Variants in ZNF24 observed in about 807,000 individuals in gnomAD.
ZNF24 encodes retinoic acid suppression protein A.
In ZNF24, 11 loss-of-function variants were observed where a neutral mutation model predicts 40.9. The observed-to-expected ratio is 0.27, with a 90% CI of 0.17 to 0.45. ZNF24 has a LOEUF of 0.45. ZNF24 is among the 20% of genes least tolerant of loss of function. ZNF24 has a pLI of 1.00. For synonymous variants in ZNF24, 139 were observed against 154.7 expected (o/e 0.90, Z 0.75); for missense variants, 293 against 437.7 (o/e 0.67, Z 2.95).
Position 35,339,900 on chromosome 18 carries a change from C to T in ZNF24, c.497G>A (p.Ser166Asn). ...GTTCTCCACAGCATCAAGCTCAGAA[C>T]TTGGTAATCCCTGAGCTTCTTCTTG... ...VSQEEAQGLPSSELDAVENQL... is the reference protein window; with the variant it reads ...VSQEEAQGLPNSELDAVENQL... The change falls in exon 3 of 4, where the codon AGT becomes AAT. Residue 166 changes from serine to asparagine, a missense_variant. Ser to Asn is a conservative substitution (Grantham distance 46). Around this residue, in one of 2 missense-constraint regions of ZNF24, gnomAD observed 234 missense variants for 299.2 expected, o/e 0.78. Coordinates refer to ENST00000261332, the MANE Select transcript of ZNF24 (RefSeq NM_006965.4). 6.2e-7 allele frequency: 1 copy of T among 1,613,532 alleles called. No homozygotes were observed. The highest frequency in any genetic ancestry group is 1.1e-5 in the South Asian group (1 of 91,078).
In ZNF24 at chr18:35,336,902, T is replaced by C. The variant is rs1307665152; in HGVS notation, c.*330A>G. The C allele has an allele frequency of 5.0e-6, 1 of 200,856 alleles. No individual in the cohort carries two copies. Among genetic ancestry groups the C allele is most frequent in the African/African-American group, 2.3e-5 (1 of 43,428 alleles). The allele number at this position is 200,856 out of a possible 1,614,324, so 12.4% of individuals were successfully genotyped here. Reference sequence around the variant, plus strand: ...ATTTCAATGATCAATGCAGAAATAATGTATTTGTCTTAAAAAAGAAACTTT... The same window carrying C: ...ATTTCAATGATCAATGCAGAAATAACGTATTTGTCTTAAAAAAGAAACTTT... On this transcript the variant is annotated 3_prime_UTR_variant, in exon 4 of 4. Transcript: ENST00000261332.
In ZNF24 at chr18:35,340,336, G is replaced by T; in HGVS notation, c.315C>A (p.Pro105=). 6.2e-7 allele frequency: 1 copy of T among 1,614,158 alleles called. No homozygotes were observed. Among genetic ancestry groups the T allele is most frequent in the Non-Finnish European group, 8.5e-7 (1 of 1,180,028 alleles). ...VVLEQFVAIL[P]KELQTWVRDH... ...CTCGAACCCAAGTCTGTAGCTCTTT[G>T]GGTAGGATGGCAACAAACTGCTCCA... Residue 105 remains proline, a synonymous_variant, in exon 2 of 4, where the codon CCC becomes CCA. Transcript: ENST00000261332. The surrounding 1 kb of genome is among the most constrained non-coding windows in gnomAD (Gnocchi z 4.6).
At chr18:35,339,410 A>G (rs772795705) in intron 3 of ZNF24, among the ~76,000 whole-genome samples, 3 of 152,258 alleles carry the variant, frequency 2.0e-5, no homozygotes, top group African/African-American at 4.8e-5. Context: ...ATAAATATTT[A>G]GAAAGATTTC....
intron 3 of ZNF24, among the ~76,000 whole-genome samples, 176 bp downstream of exon 3, chr18:35,339,653 T>C (rs1420159368): frequency 6.6e-6 from 1 of 152,176 alleles, no homozygotes; most frequent in African/African-American, 2.4e-5. Context: ...AGGCTGAAGA[T>C]GTTAATGTCT....
Position 35,337,735 on chromosome 18 carries a change from G to C in ZNF24, c.604C>G (p.Pro202Ala). Residue 202 changes from proline (P) to alanine (A), a missense_variant, in exon 4 of 4, where the codon CCA becomes GCA. Transcript: ENST00000261332. ...DGRTENGALA[P>A]KQELPSALES... The stretch of plus-strand genomic sequence containing the variant: ...AATGCTGAAGGAAGCTCCTGCTTTG[G>C]AGCTAGTGCTCCATTTTCAGTCCTA... 1 of 1,599,766 alleles carries C rather than the reference G, an allele frequency of 6.3e-7. No homozygotes were observed. The highest frequency in any genetic ancestry group is 8.5e-7 in the Non-Finnish European group (1 of 1,174,984).
In ZNF24 at chr18:35,340,457, C is replaced by A; in HGVS notation, c.194G>T (p.Gly65Val). The change falls in exon 2 of 4, where the codon GGG becomes GTG. Residue 65 changes from glycine to valine, a missense_variant. Around this residue, in one of 2 missense-constraint regions of ZNF24, gnomAD observed 234 missense variants for 299.2 expected, o/e 0.78. Coordinates refer to ENST00000261332, the MANE Select transcript of ZNF24 (RefSeq NM_006965.4). This position sits in a 1 kb window ranked among gnomAD's most constrained non-coding sequence, Gnocchi z 4.6. The stretch of plus-strand genomic sequence containing the variant: ...GAGCTGGCTCACAGCCTCACGGGGC[C>A]CAGGTGAATCCTGGTATCCAAACTG... ...FRQFGYQDSP[G>V]PREAVSQLRE... 1 of 1,614,238 alleles carries A rather than the reference C, an allele frequency of 6.2e-7. No homozygotes were observed. The highest frequency in any genetic ancestry group is 8.5e-7 in the Non-Finnish European group (1 of 1,180,040).
rs575927126 is a variant in ZNF24 at position 35,335,816 on chromosome 18, GTTGT to G, written c.*1412_*1415del. On this transcript the variant is annotated 3_prime_UTR_variant, in exon 4 of 4. Coordinates refer to ENST00000261332, the MANE Select transcript of ZNF24 (RefSeq NM_006965.4). ...GGTTAATAAACTAGTTAATTGTCTAGTTGTTTATTTTTTAAATAGAACAGTCCAT... is the reference window on the plus strand; with the variant it reads ...GGTTAATAAACTAGTTAATTGTCTAGTTATTTTTTAAATAGAACAGTCCAT... The G allele has an allele frequency of 1.4e-4, 21 of 152,250 alleles. No homozygotes were observed. Among genetic ancestry groups the G allele is most frequent in the South Asian group, 4.2e-4 (2 of 4,818 alleles). 9.4% of individuals were successfully genotyped at this position (152,250 alleles called of 1,614,324 possible).
In ZNF24 at chr18:35,340,435, C is replaced by A; in HGVS notation, c.216G>T (p.Gln72His). The change falls in exon 2 of 4, where the codon CAG becomes CAT. Residue 72 changes from glutamine (Q) to histidine (H), a missense_variant. Physicochemically the swap from Gln to His is conservative, Grantham distance 24. Coordinates refer to ENST00000261332, the MANE Select transcript of ZNF24 (RefSeq NM_006965.4). This position sits in a 1 kb window ranked among gnomAD's most constrained non-coding sequence, Gnocchi z 4.6. ...DSPGPREAVSQLRELCRLWLR... is the reference protein window; with the variant it reads ...DSPGPREAVSHLRELCRLWLR... Reference sequence around the variant, plus strand: ...GCCACAGACGGCAAAGTTCTCGGAGCTGGCTCACAGCCTCACGGGGCCCAG... The same window carrying A: ...GCCACAGACGGCAAAGTTCTCGGAGATGGCTCACAGCCTCACGGGGCCCAG... The A allele has an allele frequency of 6.2e-7, 1 of 1,614,272 alleles. No homozygotes were observed. Among genetic ancestry groups the A allele is most frequent in the Non-Finnish European group, 8.5e-7 (1 of 1,180,050 alleles).
intron 3 of ZNF24, chr18:35,338,820 T>TGAAAA: frequency 2.2e-6 from 3 of 1,345,042 alleles, no homozygotes; most frequent in Non-Finnish European, 2.9e-6. Flanking sequence ...GGAACGCAGG[T>TGAAAA]GAAAAGTCAC....
At chr18:35,343,330 A>G (rs2044986289) in intron 1 of ZNF24, among the ~76,000 whole-genome samples, 1 of 152,244 alleles carries the variant, frequency 6.6e-6, no homozygotes, top group Admixed American at 6.5e-5. Flanking sequence ...GACTTCCTGC[A>G]GTGGTCCAGT....
In ZNF24 at chr18:35,337,188, A is replaced by C. The variant is rs2044918638; in HGVS notation, c.*44T>G. The C allele has an allele frequency of 2.9e-6, 4 of 1,388,728 alleles. No individual in the cohort carries two copies. The highest frequency in any genetic ancestry group is 3.8e-6 in the Non-Finnish European group (4 of 1,058,324). 86.0% of individuals were successfully genotyped at this position (1,388,728 alleles called of 1,614,324 possible). ...ATTTTAAATTTTGTCTTCATTTCTG[A>C]AGAAAAAGACCTGAGTGCTGATTCT... On this transcript the variant is annotated 3_prime_UTR_variant, in exon 4 of 4. Coordinates refer to ENST00000261332, the MANE Select transcript of ZNF24 (RefSeq NM_006965.4).
chr18:35,339,000 ATG>A, intron 3 of ZNF24: 1 of 1,535,144 alleles, frequency 6.5e-7, no homozygotes, highest in Non-Finnish European at 8.7e-7. Context: ...GTCCCCTCAG[ATG>A]TGAAGAAAAC....
Position 35,335,770 on chromosome 18 carries a change from A to G in ZNF24, c.*1462T>C, listed in dbSNP as rs2044901309. ...AAAAATGTGTTAAGACTGAAAATTAAAAAAAAATTCAATTGTGATAGGTTA... is the reference window on the plus strand; with the variant it reads ...AAAAATGTGTTAAGACTGAAAATTAGAAAAAAATTCAATTGTGATAGGTTA... On this transcript the variant is annotated 3_prime_UTR_variant, in exon 4 of 4. Transcript: ENST00000261332. The G allele has an allele frequency of 6.6e-6, 1 of 152,100 alleles. No homozygotes were observed. The allele number at this position is 152,100 out of a possible 1,614,324, so 9.4% of individuals were successfully genotyped here.
intron 3 of ZNF24, chr18:35,338,101 T>C: frequency 1.1e-6 from 1 of 882,130 alleles, no homozygotes; most frequent in South Asian, 5.3e-5. Context: ...TTTGTAAGAA[T>C]AAAAATAAAA....
rs1158640531 is a variant in ZNF24 at position 35,333,733 on chromosome 18, G to GA, written c.*3498dup. 6.6e-6 allele frequency: 1 copy of GA among 152,100 alleles called. No homozygotes were observed. Among genetic ancestry groups the GA allele is most frequent in the Non-Finnish European group, 1.5e-5 (1 of 68,010 alleles). The allele number at this position is 152,100 out of a possible 1,614,324, so 9.4% of individuals were successfully genotyped here. On this transcript the variant is annotated 3_prime_UTR_variant, in exon 4 of 4. Transcript: ENST00000261332. ...TAGTAGTTTTCAAAACTGCAAATGT[G>GA]AAACCTGATCCAATAAATTTCTAGT...
Position 35,332,453 on chromosome 18 carries a change from A to C in ZNF24, c.*4779T>G, listed in dbSNP as rs962116340. ...AGGCACAGCTGGATCTAGGGCCTCCAGAAAAATGACATCAGAACTTAGTTC... is the reference window on the plus strand; with the variant it reads ...AGGCACAGCTGGATCTAGGGCCTCCCGAAAAATGACATCAGAACTTAGTTC... On this transcript the variant is annotated 3_prime_UTR_variant, in exon 4 of 4. Transcript: ENST00000261332. 11 of 152,460 alleles carry C rather than the reference A, an allele frequency of 7.2e-5. No individual in the cohort carries two copies. The highest frequency in any genetic ancestry group is 1.3e-4 in the Non-Finnish European group (9 of 68,046). 9.4% of individuals were successfully genotyped at this position (152,460 alleles called of 1,614,324 possible). A position where few individuals can be genotyped will look rare whatever the true frequency, so the allele number is the denominator to read the frequency against.
intron 3 of ZNF24, among the ~76,000 whole-genome samples, chr18:35,339,382 C>T (rs112299147): frequency 2.6e-5 from 4 of 152,160 alleles, no homozygotes; most frequent in African/African-American, 7.2e-5. Context: ...TCTAGGTAGA[C>T]GTTGAAGGAA....
intron 3 of ZNF24, chr18:35,338,754 C>T (rs545713997): frequency 1.5e-5 from 19 of 1,227,338 alleles, no homozygotes; most frequent in African/African-American, 1.2e-4. Context: ...TGGAGACAAA[C>T]GGCACACAGG....
At position 35,332,766 on chromosome 18, in the gene ZNF24, C is replaced by T. The variant is rs1449765886; in HGVS notation, c.*4466G>A. The T allele has an allele frequency of 2.6e-5, 4 of 152,558 alleles. No individual in the cohort carries two copies. The highest frequency in any genetic ancestry group is 5.9e-5 in the Non-Finnish European group (4 of 68,046). The allele number at this position is 152,558 out of a possible 1,614,324, so 9.5% of individuals were successfully genotyped here. On this transcript the variant is annotated 3_prime_UTR_variant, in exon 4 of 4. Transcript: ENST00000261332. ...CCACAAATAAATAAAGGTTGTGTTA[C>T]CAGAAGATGGGGAAGGAGATGCTGA...
Sources: allele counts gnomAD v4.1 joint callset (sites outside exome capture counted in the v4.1 genomes callset), GRCh38; gene constraint gnomAD v4.1.1; regional missense constraint gnomAD v4.1.1; non-coding constraint Gnocchi (gnomAD v3.1); transcripts MANE v1.5; gene names NCBI Gene and HGNC (gene_info 2026-07-23, HGNC 2026-07-21).